The following VPS41 variants were observed in gnomAD, a reference collection of about 807,000 sequenced individuals.
The protein encoded by VPS41 is vacuolar protein sorting-associated protein 41 homolog.
VPS41 carries 85 observed loss-of-function variants against 130.9 expected under a neutral mutation model. The observed-to-expected ratio is 0.65, with a 90% confidence interval of 0.55 to 0.78. VPS41 has a LOEUF of 0.78. Ranked by LOEUF, VPS41 falls within the 30% of genes least tolerant of loss-of-function variation. The pLI, the probability that VPS41 is intolerant of heterozygous loss-of-function variation, is 0.00. For missense variants in VPS41, 874 were observed against 1,018.7 expected, an observed-to-expected ratio of 0.86 and a Z score of 1.93; for synonymous variants, 335 against 332.9, an observed-to-expected ratio of 1.01 and a Z score of -0.07.
intron 10 of VPS41, among the ~76,000 whole-genome samples, chr7:38,777,440 CTG>C (rs1339362818): frequency 6.6e-6 from 1 of 152,084 alleles, no homozygotes; most frequent in Non-Finnish European, 1.5e-5. Flanking sequence ...TTTAATTGCA[CTG>C]GACCCCAAAG....
intron 2 of VPS41, among the ~76,000 whole-genome samples, chr7:38,869,688 G>A (rs1786306433): frequency 6.6e-6 from 1 of 152,014 alleles, no homozygotes; most frequent in Non-Finnish European, 1.5e-5. Flanking sequence ...TAAGTAATAG[G>A]AAACAAAAAG....
intron 4 of VPS41, among the ~76,000 whole-genome samples, chr7:38,840,541 G>A (rs953828517): frequency 7.9e-5 from 12 of 152,060 alleles, no homozygotes; most frequent in South Asian, 2.1e-4. Context: ...ATGAATACAC[G>A]CCTAGTCTGA....
rs1786264385 is a variant in VPS41 at position 38,867,925 on chromosome 7, T to C, written c.168+1221A>G. 2.6e-5 allele frequency among the ~76,000 whole-genome samples: 4 copies of C among 152,102 alleles called. 1 individual carries two copies. The highest frequency in any genetic ancestry group is 2.6e-4 in the Admixed American group (4 of 15,274). Reference sequence around the variant, plus strand: ...GGTAAGATAGAGTTAGGATAATCAATCATTTCATAGACACAGAAAAATAAA... The same window carrying C: ...GGTAAGATAGAGTTAGGATAATCAACCATTTCATAGACACAGAAAAATAAA... On this transcript the variant is annotated intron_variant, in intron 3 of 28. Transcript: ENST00000310301.
intron 1 of VPS41, among the ~76,000 whole-genome samples, chr7:38,907,881 A>G (rs1237667484): frequency 2.6e-5 from 4 of 152,228 alleles, no homozygotes; most frequent in African/African-American, 9.6e-5. Context: ...CCCTTATTCA[A>G]AGGAGCAATG....
rs752965012 is a variant in VPS41, at chr7:38,743,533, C to T, written c.1991G>A (p.Gly664Asp). The T allele has an allele frequency of 1.2e-6, 2 of 1,613,664 alleles. No individual in the cohort carries two copies. Among genetic ancestry groups the T allele is most frequent in the Non-Finnish European group, 1.7e-6 (2 of 1,179,732 alleles). ...EETVYLLSRM[G>D]NSRSALKMIM... ...CATCTTCAGGGCACTTCGGCTATTACCCATTCGGCCTTGGTGGGGTGAAGA... is the reference window on the plus strand; with the variant it reads ...CATCTTCAGGGCACTTCGGCTATTATCCATTCGGCCTTGGTGGGGTGAAGA... Residue 664 changes from glycine (G) to aspartate (D), a missense_variant, in exon 24 of 29, where the codon GGT becomes GAT. Transcript: ENST00000310301.
At chr7:38,847,048 A>G (rs1785742057) in intron 4 of VPS41, among the ~76,000 whole-genome samples, 1 of 152,188 alleles carries the variant, frequency 6.6e-6, no homozygotes, top group Non-Finnish European at 1.5e-5. Context: ...GACCACACCA[A>G]AAAAGAAACA....
intron 7 of VPS41, among the ~76,000 whole-genome samples, chr7:38,816,752 T>C (rs1303064914): frequency 2.0e-5 from 3 of 152,240 alleles, no homozygotes; most frequent in African/African-American, 2.4e-5. Context: ...TATTTCTCTT[T>C]ACATTTTTTA....
intron 15 of VPS41, 87 bp downstream of exon 15, chr7:38,767,450 T>C (rs1784068633): frequency 2.6e-6 from 2 of 784,032 alleles, no homozygotes; most frequent in Non-Finnish European, 3.9e-6. Flanking sequence ...AAATAAAATG[T>C]CAACTGCAAA....
intron 3 of VPS41, among the ~76,000 whole-genome samples, chr7:38,866,858 C>T (rs890684093): frequency 5.3e-5 from 8 of 151,862 alleles, no homozygotes; most frequent in Admixed American, 1.3e-4. Context: ...AATGGTGTCA[C>T]GATAAAGAAG....
At chr7:38,768,621 A>G (rs77110401) in intron 14 of VPS41, among the ~76,000 whole-genome samples, 8,398 of 152,276 alleles carry the variant, frequency 0.055, 759 homozygotes, top group African/African-American at 0.19. Flanking sequence ...CTATAGGAAC[A>G]GAAGTGAAGA....
At chr7:38,801,460 G>C (rs1275373076) in intron 7 of VPS41, among the ~76,000 whole-genome samples, 1 of 152,030 alleles carries the variant, frequency 6.6e-6, no homozygotes, top group Non-Finnish European at 1.5e-5. Context: ...TTTATATTTT[G>C]TGGATGAAAA....
At chr7:38,803,480 A>T (rs1274996180) in intron 7 of VPS41, among the ~76,000 whole-genome samples, 1 of 152,246 alleles carries the variant, frequency 6.6e-6, no homozygotes. Context: ...GGGCTTGAAG[A>T]AAACAAATAT....
At chr7:38,872,097 C>A (rs1220575922) in intron 2 of VPS41, among the ~76,000 whole-genome samples, 1 of 152,160 alleles carries the variant, frequency 6.6e-6, no homozygotes, top group Non-Finnish European at 1.5e-5. Context: ...TCAGCTAGGG[C>A]TGTAACTATC....
chr7:38,791,267 C>T (rs1784530373), intron 9 of VPS41, among the ~76,000 whole-genome samples: 1 of 152,198 alleles, frequency 6.6e-6, no homozygotes, highest in Non-Finnish European at 1.5e-5. Context: ...ACTACTAAAT[C>T]ATCTAATGGC....
At chr7:38,778,413 G>A (rs1017453197) in intron 10 of VPS41, among the ~76,000 whole-genome samples, 1 of 152,240 alleles carries the variant, frequency 6.6e-6, no homozygotes, top group African/African-American at 2.4e-5. Context: ...CACGTGGGCG[G>A]TGAAGCAGGG....
intron 4 of VPS41, among the ~76,000 whole-genome samples, chr7:38,832,412 G>A (rs1024526454): frequency 4.1e-5 from 6 of 146,690 alleles, no homozygotes; most frequent in Admixed American, 1.4e-4. Flanking sequence ...CTCGCCTCCC[G>A]GGTTCAAGTG....
intron 22 of VPS41, among the ~76,000 whole-genome samples, chr7:38,746,165 C>CT (rs1186285774): frequency 8.6e-5 from 13 of 151,696 alleles, no homozygotes; most frequent in African/African-American, 3.1e-4. Context: ...GCTCAAGGAT[C>CT]TGTCAAAGGT....
At position 38,789,207 on chromosome 7, in the gene VPS41, A is replaced by G. The variant is rs140221204; in HGVS notation, c.784+594T>C. ...AGATACAAATGGTGAGCAAAAACAG[A>G]CCCTGTGTGTGCTCAAAAGGAGGTG... On this transcript the variant is annotated intron_variant, in intron 10 of 28. Transcript: ENST00000310301. Among the ~76,000 whole-genome samples, 165 of 152,234 alleles carry G rather than the reference A, an allele frequency of 1.1e-3. 1 individual carries two copies. Among genetic ancestry groups the G allele is most frequent in the African/African-American group, 3.8e-3 (159 of 41,532 alleles).
chr7:38,728,782 G>C lies in VPS41; in HGVS notation c.2269C>G (p.Arg757Gly). Residue 757 changes from arginine to glycine, a missense_variant, in exon 26 of 29, where the codon CGT becomes GGT. Transcript: ENST00000310301. ...ACGAGAATCTTCTTGCAGCCTTCAC[G>C]AAGCAGAATCTAATGCATACATTTT... ...LQDYNLQILL[R>G]EGCKKILVAD... 1 of 1,614,068 alleles carries C rather than the reference G, an allele frequency of 6.2e-7. No individual in the cohort carries two copies. The highest frequency in any genetic ancestry group is 8.5e-7 in the Non-Finnish European group (1 of 1,179,964).
Sources: allele counts gnomAD v4.1 joint callset (sites outside exome capture counted in the v4.1 genomes callset), GRCh38; gene constraint gnomAD v4.1.1; transcripts MANE v1.5; gene names NCBI Gene and HGNC (gene_info 2026-07-23, HGNC 2026-07-21).